The following SYT3 variants were observed in gnomAD, a reference collection of about 807,000 sequenced individuals.
The protein encoded by SYT3 is synaptotagmin 3.
Under a neutral mutation model 50.6 loss-of-function variants are expected in SYT3, and 25 were observed. That is an observed-to-expected ratio of 0.49 (90% CI 0.36 to 0.69). SYT3 has a LOEUF of 0.69. Among genes scored for constraint, SYT3 ranks in the 30% least tolerant of loss-of-function variants. The pLI is 0.00. For missense variants in SYT3, 589 were observed against 793.6 expected (o/e 0.74, Z 3.10); for synonymous variants, 323 against 353.9 (o/e 0.91, Z 0.98).
chr19:50,625,991 G>A lies in SYT3; in HGVS notation c.1308C>T (p.Asn436=). Residue 436 remains asparagine (N), a synonymous_variant, in exon 7 of 11, where the codon AAC becomes AAT. Coordinates refer to ENST00000600079, the MANE Select transcript of SYT3 (RefSeq NM_001160329.2). This position sits in a 1 kb window ranked among gnomAD's most constrained non-coding sequence, Gnocchi z 7.5. ...GSEKADLGEL[N]FSLCYLPTAG... ...CCGTGGGGAGGTAGCAGAGTGAGAAGTTGAGCTCCCCAAGATCTGCTTTTT... is the reference window on the plus strand; with the variant it reads ...CCGTGGGGAGGTAGCAGAGTGAGAAATTGAGCTCCCCAAGATCTGCTTTTT... 6.2e-7 allele frequency: 1 copy of A among 1,614,096 alleles called. No homozygotes were observed. Among genetic ancestry groups the A allele is most frequent in the Non-Finnish European group, 8.5e-7 (1 of 1,179,976 alleles).
the SYT3 span, among the ~76,000 whole-genome samples, chr19:50,650,078 C>G: frequency 6.6e-6 from 1 of 152,182 alleles, no homozygotes; most frequent in Non-Finnish European, 1.5e-5. Flanking sequence ...TCCCCAGTTT[C>G]TCTCCTCCTA....
chr19:50,657,478 A>G, the SYT3 span, among the ~76,000 whole-genome samples: 65 of 152,322 alleles, frequency 4.3e-4, no homozygotes, highest in East Asian at 0.012. Flanking sequence ...AACTGTGTTT[A>G]GTGATCAGTC....
chr19:50,642,209 C>A (rs1298883015), upstream of SYT3, among the ~76,000 whole-genome samples: 1 of 152,216 alleles, frequency 6.6e-6, no homozygotes, highest in African/African-American at 2.4e-5. Context: ...TCTAACAGCC[C>A]GACCCTTGAA....
the SYT3 span, among the ~76,000 whole-genome samples, chr19:50,647,261 T>C: frequency 6.6e-6 from 1 of 152,036 alleles, no homozygotes; most frequent in East Asian, 1.9e-4. Flanking sequence ...TGAAAGTTTG[T>C]CTAAGGCACT....
chr19:50,657,133 T>C, the SYT3 span, among the ~76,000 whole-genome samples: 1 of 152,020 alleles, frequency 6.6e-6, no homozygotes, highest in African/African-American at 2.4e-5. Flanking sequence ...CACTCAACAA[T>C]TGACTGAGAA....
chr19:50,650,254 AG>A, the SYT3 span, among the ~76,000 whole-genome samples: 3 of 152,136 alleles, frequency 2.0e-5, no homozygotes, highest in African/African-American at 7.2e-5. Context: ...TGACAACTTC[AG>A]GCTCCTAGCC....
the SYT3 span, among the ~76,000 whole-genome samples, chr19:50,644,942 GGGAT>G: frequency 2.0e-5 from 3 of 152,044 alleles, no homozygotes; most frequent in African/African-American, 7.3e-5. Flanking sequence ...AATAGATGAA[GGGAT>G]GGATGGATGG....
In SYT3 at chr19:50,625,443, G is replaced by A. The variant is rs779510124; in HGVS notation, c.1524C>T (p.Pro508=). The A allele has an allele frequency of 3.8e-6, 6 of 1,579,518 alleles. No homozygotes were observed. The highest frequency in any genetic ancestry group is 5.2e-6 in the Non-Finnish European group (6 of 1,162,648). ...YNEALVFDVA[P]ESVENVGLSI... ...TGAGCCCCACGTTCTCCACGCTCTC[G>A]GGGGCCACGTCGAACACCAGCGCCT... is the stretch of plus-strand genomic sequence containing the variant. The change falls in exon 8 of 11, where the codon CCC becomes CCT. Residue 508 remains proline (P), a synonymous_variant. Transcript: ENST00000600079. The surrounding 1 kb of genome is among the most constrained non-coding windows in gnomAD (Gnocchi z 7.5).
At chr19:50,642,093 C>T (rs890525934), upstream of SYT3, among the ~76,000 whole-genome samples, 6 of 152,184 alleles carry the variant, frequency 3.9e-5, no homozygotes, top group African/African-American at 1.4e-4. Context: ...TGCCGAGTCT[C>T]TTCCTTGTGG....
At chr19:50,655,541 C>T in the SYT3 span, among the ~76,000 whole-genome samples, 28 of 151,790 alleles carry the variant, frequency 1.8e-4, no homozygotes, top group African/African-American at 6.0e-4. Context: ...CTCAGCTACT[C>T]GGGAGGCTGA....
the SYT3 span, chr19:50,649,520 C>T: frequency 6.5e-7 from 1 of 1,536,100 alleles, no homozygotes; most frequent in Non-Finnish European, 8.7e-7. Flanking sequence ...AGGTACTGAG[C>T]TGTGTCTTTG....
upstream of SYT3, among the ~76,000 whole-genome samples, chr19:50,643,762 C>T (rs1984717289): frequency 6.6e-6 from 1 of 151,670 alleles, no homozygotes; most frequent in African/African-American, 2.4e-5. Flanking sequence ...ACTAAAATTC[C>T]AGGGTTGGAA....
Position 50,637,271 on chromosome 19 carries a change from T to C in SYT3, c.141A>G (p.Pro47=). 1 of 1,613,224 alleles carries C rather than the reference T, an allele frequency of 6.2e-7. No homozygotes were observed. The change falls in exon 3 of 11, where the codon CCA becomes CCG. Residue 47 remains proline (P), a synonymous_variant. Transcript: ENST00000600079. The surrounding 1 kb of genome is among the most constrained non-coding windows in gnomAD (Gnocchi z 4.9). The part of the protein sequence containing the change: ...NDRIRGYPRG[P]DADISVSLLS... ...ACAGGCAGGGGTGCTGACCTGCATC[T>C]GGACCCCGGGGATAGCCTCGGATTC...
intron 4 of SYT3, 130 bp from the exon 5 acceptor site, chr19:50,630,301 T>C (rs1984254614): frequency 2.2e-6 from 2 of 928,478 alleles, no homozygotes; most frequent in South Asian, 1.9e-5. Flanking sequence ...TCCCCTCCTT[T>C]GCTCACTGTG....
the SYT3 span, among the ~76,000 whole-genome samples, chr19:50,654,532 C>T: frequency 1.9e-4 from 29 of 151,920 alleles, no homozygotes; most frequent in African/African-American, 7.3e-5. Context: ...CTCCTGACCT[C>T]GTGATCTGCC....
Position 50,639,556 on chromosome 19 carries a change from CCCCG to C in SYT3, c.-154+230_-154+233del, listed in dbSNP as rs1194139758. Among the ~76,000 whole-genome samples the C allele has an allele frequency of 1.3e-5, 2 of 152,022 alleles. No homozygotes were observed. Among genetic ancestry groups the C allele is most frequent in the Admixed American group, 6.5e-5 (1 of 15,278 alleles). The stretch of plus-strand genomic sequence containing the variant: ...GGGCCACGGAATGAGGAAACGATCC[CCCCG>C]CGCTGGGGATCGGTGGGCGAGGGGT... On this transcript the variant is annotated intron_variant, in intron 1 of 10. Transcript: ENST00000600079. The surrounding 1 kb of genome is among the most constrained non-coding windows in gnomAD (Gnocchi z 4.6).
chr19:50,649,338 A>G, the SYT3 span: 1 of 1,096,494 alleles, frequency 9.1e-7, no homozygotes, highest in Non-Finnish European at 1.3e-6. Flanking sequence ...CGGGGCTTCA[A>G]AGAGGAGGTA....
At chr19:50,650,903 A>T in the SYT3 span, among the ~76,000 whole-genome samples, 1 of 152,212 alleles carries the variant, frequency 6.6e-6, no homozygotes, top group Non-Finnish European at 1.5e-5. Context: ...TGAGGCACCC[A>T]CGTGACATGT....
upstream of SYT3, among the ~76,000 whole-genome samples, chr19:50,642,937 G>T (rs1482670015): frequency 2.0e-5 from 3 of 152,218 alleles, no homozygotes; most frequent in African/African-American, 7.2e-5. Flanking sequence ...CTAGTGTTTA[G>T]TGTTGTCATA....
Sources: gnomAD v4.1 joint callset for allele counts (sites outside exome capture counted in the v4.1 genomes callset) on GRCh38, gnomAD v4.1.1 for gene constraint, Gnocchi (gnomAD v3.1) non-coding constraint, MANE v1.5 for transcripts, NCBI Gene and HGNC (gene_info 2026-07-23, HGNC 2026-07-21) for gene names.